Variants in DPP6 observed in about 807,000 individuals in gnomAD.
DPP6 encodes the protein dipeptidyl peptidase like 6.
Under a neutral mutation model 122.6 loss-of-function variants are expected in DPP6, and 69 were observed. That is an observed-to-expected ratio of 0.56 (90% confidence interval 0.46 to 0.69). The LOEUF (loss-of-function observed/expected upper bound fraction) is 0.69. Ranked by LOEUF, DPP6 falls within the 30% of genes least tolerant of loss-of-function variation. DPP6 has a pLI of 0.00. For missense variants in DPP6, 928 were observed against 1,116.9 expected (o/e 0.83, Z 2.41); for synonymous variants, 418 against 433.1 (o/e 0.97, Z 0.43).
At chr7:153,857,322 T>TTTTC in the DPP6 span, among the ~76,000 whole-genome samples, 2 of 124,390 alleles carry the variant, frequency 1.6e-5, no homozygotes, top group African/African-American at 6.3e-5. Flanking sequence ...CTCAAAGGTT[T>TTTTC]TCTCTCTCTC....
the DPP6 span, among the ~76,000 whole-genome samples, chr7:153,809,380 T>C: frequency 6.6e-6 from 1 of 152,194 alleles, no homozygotes; most frequent in East Asian, 1.9e-4. Context: ...ACATCATGTC[T>C]GCTCATCCCT....
At chr7:154,662,424 C>G (rs1156839848) in intron 6 of DPP6, among the ~76,000 whole-genome samples, 5 of 113,846 alleles carry the variant, frequency 4.4e-5, no homozygotes, top group South Asian at 2.9e-4. Context: ...GGCGTATCGG[C>G]TGTAGTGTTC....
At chr7:154,711,907 A>T (rs1245205063) in intron 7 of DPP6, among the ~76,000 whole-genome samples, 1 of 151,432 alleles carries the variant, frequency 6.6e-6, no homozygotes, top group African/African-American at 2.4e-5. Flanking sequence ...GAATTGGTTT[A>T]AGAAATATTA....
At chr7:154,128,873 G>A (rs762189606) in intron 1 of DPP6, among the ~76,000 whole-genome samples, 2 of 149,844 alleles carry the variant, frequency 1.3e-5, no homozygotes, top group Non-Finnish European at 3.0e-5. Context: ...CATTCATGCA[G>A]CATTTGCAAC....
chr7:154,180,069 T>C (rs1797993922), intron 1 of DPP6, among the ~76,000 whole-genome samples: 1 of 152,012 alleles, frequency 6.6e-6, no homozygotes, highest in Non-Finnish European at 1.5e-5. Flanking sequence ...ATTAACAAAA[T>C]ATTTGTGGTG....
intron 5 of DPP6, among the ~76,000 whole-genome samples, chr7:154,591,587 G>A (rs1832811312): frequency 2.0e-5 from 3 of 152,186 alleles, no homozygotes; most frequent in Admixed American, 1.3e-4. Flanking sequence ...ACAGGAACAG[G>A]GGGCGTGCAG....
intron 8 of DPP6, among the ~76,000 whole-genome samples, chr7:154,736,151 T>G (rs1487689695): frequency 6.6e-6 from 1 of 152,246 alleles, no homozygotes; most frequent in Non-Finnish European, 1.5e-5. Context: ...TTGCCTATGT[T>G]CATCTGAGTT....
intron 6 of DPP6, among the ~76,000 whole-genome samples, chr7:154,644,958 G>A (rs1191779036): frequency 2.0e-5 from 3 of 151,768 alleles, no homozygotes; most frequent in Non-Finnish European, 4.4e-5. Context: ...CAATCCACCC[G>A]CCTTGGCCTC....
intron 1 of DPP6, among the ~76,000 whole-genome samples, chr7:153,936,794 G>A (rs1403591031): frequency 1.4e-5 from 2 of 141,676 alleles, no homozygotes; most frequent in African/African-American, 2.8e-5. Context: ...CTGGGTGACA[G>A]AGTGAGACTC....
chr7:154,783,633 T>C (rs535092261), intron 10 of DPP6, among the ~76,000 whole-genome samples: 22 of 152,300 alleles, frequency 1.4e-4, no homozygotes, highest in African/African-American at 5.3e-4. Context: ...TCTGGCATTA[T>C]AACGTTCCTG....
intron 3 of DPP6, 139 bp downstream of exon 3, chr7:154,475,176 C>T (rs1822622419): frequency 1.4e-6 from 1 of 709,660 alleles, no homozygotes; most frequent in South Asian, 1.5e-5. Flanking sequence ...TTGCTGTAGT[C>T]ATCATCAGAT....
At chr7:154,801,251 AAATCACATAG>A in intron 12 of DPP6, 94 bp from the exon 13 acceptor site, 1 of 1,475,140 alleles carries the variant, frequency 6.8e-7, no homozygotes, top group East Asian at 2.5e-5. Context: ...CTCTCCTTAG[AAATCACATAG>A]AAAATGTATC....
intron 1 of DPP6, among the ~76,000 whole-genome samples, chr7:154,281,107 G>A (rs951338803): frequency 1.3e-5 from 2 of 151,860 alleles, no homozygotes; most frequent in Non-Finnish European, 2.9e-5. Flanking sequence ...CCGCCTCCCA[G>A]GTTCAAGCAA....
intron 7 of DPP6, among the ~76,000 whole-genome samples, chr7:154,676,886 C>T (rs1018496011): frequency 4.6e-5 from 7 of 152,186 alleles, no homozygotes; most frequent in Admixed American, 2.0e-4. Context: ...TCTGTGAGAA[C>T]TTGGTTTGCG....
the DPP6 span, among the ~76,000 whole-genome samples, chr7:153,768,699 CTT>C: frequency 4.6e-5 from 7 of 152,032 alleles, no homozygotes; most frequent in African/African-American, 9.7e-5. Flanking sequence ...AGTTATCTGT[CTT>C]TTGAAAAAAT....
At chr7:154,166,565 T>A (rs36038152) in intron 1 of DPP6, among the ~76,000 whole-genome samples, 18,633 of 147,286 alleles carry the variant, frequency 0.13, 1,751 homozygotes, top group African/African-American at 0.26. Context: ...GCACCCTCCC[T>A]GACCTACAGA....
chr7:154,280,532 G>T (rs779492601), intron 1 of DPP6, among the ~76,000 whole-genome samples: 18 of 152,122 alleles, frequency 1.2e-4, no homozygotes, highest in Admixed American at 6.5e-4. Context: ...CATATCCAGC[G>T]CAGAGCTTGG....
chr7:154,583,397 G>T (rs1832214390), intron 5 of DPP6, among the ~76,000 whole-genome samples: 1 of 152,184 alleles, frequency 6.6e-6, no homozygotes, highest in Non-Finnish European at 1.5e-5. Context: ...CTCAGTCCTT[G>T]GTTCCACAGG....
chr7:154,377,933 A>G (rs1813271269), intron 1 of DPP6, among the ~76,000 whole-genome samples: 1 of 152,194 alleles, frequency 6.6e-6, no homozygotes, highest in Admixed American at 6.5e-5. Flanking sequence ...GGAAGATGTC[A>G]ACCCCACTGT....
Sources: allele counts gnomAD v4.1 joint callset (sites outside exome capture counted in the v4.1 genomes callset), GRCh38; gene constraint gnomAD v4.1.1; transcripts MANE v1.5; gene names NCBI Gene and HGNC (gene_info 2026-07-23, HGNC 2026-07-21).